The following SCHIP1 variants were observed in gnomAD, a reference collection of about 807,000 sequenced individuals.
The protein encoded by SCHIP1 is schwannomin-interacting protein 1.
In SCHIP1, 8 loss-of-function variants were observed where a neutral mutation model predicts 29.7. The ratio of observed to expected loss-of-function variants is 0.27; its 90% CI spans 0.16 to 0.49. The LOEUF (loss-of-function observed/expected upper bound fraction) is 0.49, where lower values mean the gene tolerates loss of function less well. SCHIP1 is among the 20% of genes least tolerant of loss of function. The pLI, the probability that SCHIP1 is intolerant of heterozygous loss-of-function variation, is 0.99. For synonymous variants in SCHIP1, 76 were observed against 94.9 expected (o/e 0.80, Z 1.16); for missense variants, 193 against 294.6 (o/e 0.66, Z 2.52).
At chr3:159,478,325 G>T in the SCHIP1 span, among the ~76,000 whole-genome samples, 1 of 152,106 alleles carries the variant, frequency 6.6e-6, no homozygotes, top group Non-Finnish European at 1.5e-5. Context: ...AACACCATTT[G>T]TTGAAAAGAC....
the SCHIP1 span, among the ~76,000 whole-genome samples, chr3:159,285,156 T>C: frequency 0.01 from 1,572 of 152,264 alleles, 30 homozygotes; most frequent in African/African-American, 0.036. Flanking sequence ...GATCGTTTTT[T>C]AGTTTCATAT....
chr3:159,738,623 C>A, the SCHIP1 span, among the ~76,000 whole-genome samples: 2 of 152,196 alleles, frequency 1.3e-5, no homozygotes, highest in South Asian at 4.1e-4. Flanking sequence ...ATTTGATCAA[C>A]AAATATTTAC....
chr3:159,776,733 A>C, the SCHIP1 span, among the ~76,000 whole-genome samples: 1 of 152,246 alleles, frequency 6.6e-6, no homozygotes, highest in Non-Finnish European at 1.5e-5. Flanking sequence ...AAAGCAGATG[A>C]ACAGTTGTGT....
chr3:159,643,045 G>C, the SCHIP1 span, among the ~76,000 whole-genome samples: 1 of 152,018 alleles, frequency 6.6e-6, no homozygotes, highest in East Asian at 1.9e-4. Context: ...GTGAGGAAAG[G>C]GCTACTGGTT....
chr3:159,681,007 T>C, the SCHIP1 span, among the ~76,000 whole-genome samples: 1 of 151,938 alleles, frequency 6.6e-6, no homozygotes, highest in Non-Finnish European at 1.5e-5. Flanking sequence ...TACTTATCTT[T>C]GATTTATCTG....
the SCHIP1 span, among the ~76,000 whole-genome samples, chr3:159,743,611 C>T: frequency 6.6e-6 from 1 of 152,204 alleles, no homozygotes; most frequent in Non-Finnish European, 1.5e-5. Context: ...TGCTCATATA[C>T]TTAAACTCAT....
the SCHIP1 span, among the ~76,000 whole-genome samples, chr3:159,825,774 A>G: frequency 4.0e-5 from 6 of 150,948 alleles, no homozygotes; most frequent in South Asian, 2.1e-4. Context: ...AATTAGAGGG[A>G]AAAAAAAACA....
At chr3:159,386,039 G>A in the SCHIP1 span, among the ~76,000 whole-genome samples, 11 of 152,074 alleles carry the variant, frequency 7.2e-5, no homozygotes, top group Admixed American at 6.5e-4. Flanking sequence ...CCTTTTTTAT[G>A]GCTGCATAGT....
At chr3:159,528,153 G>A in the SCHIP1 span, among the ~76,000 whole-genome samples, 2 of 152,184 alleles carry the variant, frequency 1.3e-5, no homozygotes, top group Admixed American at 6.5e-5. Flanking sequence ...ATAATGCAAA[G>A]GTTTGTTTAA....
At chr3:159,851,960 G>A (rs925682329) in intron 1 of SCHIP1, among the ~76,000 whole-genome samples, 1 of 152,214 alleles carries the variant, frequency 6.6e-6, no homozygotes, top group South Asian at 2.1e-4. Flanking sequence ...ACTGAGGTGG[G>A]GCAATGAGAA....
chr3:159,808,052 C>T, the SCHIP1 span, among the ~76,000 whole-genome samples: 1 of 152,200 alleles, frequency 6.6e-6, no homozygotes, highest in Non-Finnish European at 1.5e-5. Context: ...AAAATACAAA[C>T]AACAAGGAAC....
At chr3:159,416,477 T>G in the SCHIP1 span, among the ~76,000 whole-genome samples, 1 of 152,256 alleles carries the variant, frequency 6.6e-6, no homozygotes, top group Non-Finnish European at 1.5e-5. Context: ...CAACAGTGTC[T>G]GGCACATAAC....
the SCHIP1 span, among the ~76,000 whole-genome samples, chr3:159,799,955 A>G: frequency 0.061 from 9,320 of 152,214 alleles, 907 homozygotes; most frequent in African/African-American, 0.21. Context: ...GGTCTAGTTC[A>G]GTTGGGACCC....
the SCHIP1 span, among the ~76,000 whole-genome samples, chr3:159,682,971 A>G: frequency 0.024 from 3,700 of 152,304 alleles, 71 homozygotes; most frequent in African/African-American, 0.052. Context: ...CACTTACATC[A>G]GAATTATTAG....
chr3:159,660,214 A>T, the SCHIP1 span, among the ~76,000 whole-genome samples: 3 of 152,126 alleles, frequency 2.0e-5, no homozygotes, highest in African/African-American at 7.2e-5. Context: ...TATCTCTACC[A>T]CGCAAATGAT....
the SCHIP1 span, among the ~76,000 whole-genome samples, chr3:159,577,045 G>C: frequency 2.6e-5 from 4 of 152,024 alleles, no homozygotes; most frequent in Non-Finnish European, 5.9e-5. Context: ...TGTTATAATA[G>C]TTAAATGATT....
At chr3:159,683,164 C>T in the SCHIP1 span, among the ~76,000 whole-genome samples, 4 of 152,158 alleles carry the variant, frequency 2.6e-5, no homozygotes, top group Non-Finnish European at 5.9e-5. Flanking sequence ...ATTCTTCTGC[C>T]TCAGCACCCC....
the SCHIP1 span, among the ~76,000 whole-genome samples, chr3:159,489,521 AAC>A: frequency 6.6e-6 from 1 of 152,200 alleles, no homozygotes; most frequent in African/African-American, 2.4e-5. Context: ...TAACTGATAA[AAC>A]AATATATGTC....
the SCHIP1 span, among the ~76,000 whole-genome samples, chr3:159,424,703 A>G: frequency 6.6e-6 from 1 of 152,138 alleles, no homozygotes; most frequent in South Asian, 2.1e-4. Context: ...CCACAAAGAT[A>G]CTCCTCGAGA....
Sources: allele counts gnomAD v4.1 joint callset (sites outside exome capture counted in the v4.1 genomes callset), GRCh38; gene constraint gnomAD v4.1.1; transcripts MANE v1.5; gene names NCBI Gene and HGNC (gene_info 2026-07-23, HGNC 2026-07-21).